PPP4R3A: variants seen among roughly 807,000 people sequenced by gnomAD.
PPP4R3A encodes the protein serine/threonine-protein phosphatase 4 regulatory subunit 3A.
A neutral mutation model predicts 91.7 loss-of-function variants in PPP4R3A; 15 were observed. The ratio of observed to expected loss-of-function variants is 0.16; its 90% CI spans 0.11 to 0.25. The LOEUF (loss-of-function observed/expected upper bound fraction) is 0.25. Among genes scored for constraint, PPP4R3A ranks in the 10% least tolerant of loss-of-function variants. The probability of loss-of-function intolerance (pLI) is 1.00; values close to 1 mark genes in which losing one functional copy is unlikely to be tolerated. For synonymous variants in PPP4R3A, 377 were observed against 348.7 expected, an observed-to-expected ratio of 1.08 and a Z score of -0.91; for missense variants, 623 against 998.4, an observed-to-expected ratio of 0.62 and a Z score of 5.07.
chr14:91,487,167 T>G (rs1256202096), intron 2 of PPP4R3A, among the ~76,000 whole-genome samples: 1 of 147,686 alleles, frequency 6.8e-6, no homozygotes. Flanking sequence ...GGAGAGTCAC[T>G]TGAACCCGGG....
chr14:91,462,400 AAAT>A (rs767794501), intron 12 of PPP4R3A, among the ~76,000 whole-genome samples, 161 bp from the exon 13 acceptor site: 2 of 152,232 alleles, frequency 1.3e-5, no homozygotes, highest in Non-Finnish European at 2.9e-5. Context: ...ACAAAATTTT[AAAT>A]AATAATTTGT....
intron 1 of PPP4R3A, among the ~76,000 whole-genome samples, chr14:91,504,449 G>A (rs1156873611): frequency 1.3e-5 from 2 of 151,676 alleles, no homozygotes; most frequent in East Asian, 3.9e-4. Context: ...TAAAAACACA[G>A]AAATTCACCA....
intron 10 of PPP4R3A, among the ~76,000 whole-genome samples, chr14:91,470,621 C>T (rs545048048): frequency 6.6e-6 from 1 of 152,276 alleles, no homozygotes; most frequent in East Asian, 1.9e-4. Flanking sequence ...GAATATAACA[C>T]TGTAGATACA....
intron 10 of PPP4R3A, among the ~76,000 whole-genome samples, chr14:91,468,424 C>G (rs1888610337): frequency 6.6e-6 from 1 of 152,116 alleles, no homozygotes; most frequent in Admixed American, 6.5e-5. Flanking sequence ...TGAATCCCAG[C>G]ACTTTGGGAG....
chr14:91,491,270 G>T (rs1289703861), intron 1 of PPP4R3A, among the ~76,000 whole-genome samples: 1 of 151,840 alleles, frequency 6.6e-6, no homozygotes, highest in Non-Finnish European at 1.5e-5. Flanking sequence ...ATGTTGCCCA[G>T]GCTGGTCTCC....
chr14:91,501,233 T>C (rs1307181408), intron 1 of PPP4R3A, among the ~76,000 whole-genome samples: 1 of 152,158 alleles, frequency 6.6e-6, no homozygotes, highest in Non-Finnish European at 1.5e-5. Context: ...TGGGAGTGTT[T>C]GGGTTTGGGT....
At chr14:91,507,546 T>C (rs956705202) in intron 1 of PPP4R3A, among the ~76,000 whole-genome samples, 2 of 97,972 alleles carry the variant, frequency 2.0e-5, no homozygotes, top group African/African-American at 4.2e-5. Flanking sequence ...CTATATATTA[T>C]ATATAGTTAT....
chr14:91,469,518 G>T (rs982207679), intron 10 of PPP4R3A, among the ~76,000 whole-genome samples: 8 of 152,192 alleles, frequency 5.3e-5, no homozygotes, highest in Admixed American at 3.3e-4. Context: ...CTGATAGGAA[G>T]TTTAATGAAT....
intron 1 of PPP4R3A, among the ~76,000 whole-genome samples, chr14:91,505,668 T>G (rs887057498): frequency 1.3e-5 from 2 of 152,172 alleles, no homozygotes; most frequent in African/African-American, 2.4e-5. Flanking sequence ...AAAGTTTTTT[T>G]GGGGAAAAGC....
intron 9 of PPP4R3A, among the ~76,000 whole-genome samples, chr14:91,472,444 C>A (rs1305930862): frequency 7.0e-6 from 1 of 142,428 alleles, no homozygotes; most frequent in Non-Finnish European, 1.5e-5. Context: ...GATTACAGTA[C>A]TTTCAGGAAA....
At position 91,490,826 on chromosome 14, in the gene PPP4R3A, CATTAT is replaced by C. The variant is rs764945690; in HGVS notation, c.143-29_143-25del. ...ACCTAGGAAACAGAAAAAGACATTC[CATTAT>C]GTTACTGTAAAACAGCAAAATTATA... On this transcript the variant is annotated intron_variant, in intron 1 of 14. Transcript: ENST00000554943. 3.8e-6 allele frequency: 6 copies of C among 1,566,046 alleles called. No homozygotes were observed. The South Asian group carries it at 4.6e-5, about 12-fold the overall frequency.
rs757184227 is a variant in PPP4R3A at position 91,458,619 on chromosome 14, T to C, written c.*140A>G. ...CCTGCTCCATTGAATTGGCACTTGA[T>C]GAGCAGAAGTCAAGTGTAAGAGGCT... On this transcript the variant is annotated 3_prime_UTR_variant, in exon 15 of 15. Coordinates refer to ENST00000554943, the MANE Select transcript of PPP4R3A (RefSeq NM_001366432.2). 32 of 1,219,682 alleles carry C rather than the reference T, an allele frequency of 2.6e-5. No homozygotes were observed. The Admixed American group carries it at 3.9e-4, about 15-fold the overall frequency. The allele number at this position is 1,219,682 out of a possible 1,614,324, so 75.6% of individuals were successfully genotyped here.
At chr14:91,497,325 A>C (rs1330515938) in intron 1 of PPP4R3A, among the ~76,000 whole-genome samples, 1 of 142,620 alleles carries the variant, frequency 7.0e-6, no homozygotes. Flanking sequence ...TTATCTCCCA[A>C]GAGGAATCTT....
chr14:91,507,900 C>G (rs927508831), intron 1 of PPP4R3A, among the ~76,000 whole-genome samples: 3 of 151,910 alleles, frequency 2.0e-5, no homozygotes, highest in African/African-American at 7.3e-5. Context: ...GGCGGGTGGA[C>G]TGCGTGAGGT....
Position 91,507,075 on chromosome 14 carries a change from T to C in PPP4R3A, c.142+2431A>G, listed in dbSNP as rs891532810. On this transcript the variant is annotated intron_variant, in intron 1 of 14. Coordinates refer to ENST00000554943, the MANE Select transcript of PPP4R3A (RefSeq NM_001366432.2). Reference sequence around the variant, plus strand: ...GGCTCACGCCTGTAATCCTAGCACTTTGGGAGGCCGAGGCGGGTGGATCAC... The same window carrying C: ...GGCTCACGCCTGTAATCCTAGCACTCTGGGAGGCCGAGGCGGGTGGATCAC... Among the ~76,000 whole-genome samples, 3 of 151,984 alleles carry C rather than the reference T, an allele frequency of 2.0e-5. No homozygotes were observed. The South Asian group carries it at 6.2e-4, about 32-fold the overall frequency.
In PPP4R3A at chr14:91,509,710, G is replaced by C. The variant is rs1000477624; in HGVS notation, c.-63C>G. On this transcript the variant is annotated 5_prime_UTR_variant, in exon 1 of 15. Transcript: ENST00000554943. The stretch of plus-strand genomic sequence containing the variant: ...AGACGCCCAGGAAAGGGGCCCTGGA[G>C]AGGCGAGGGGCGAGGCGTGAGGGCG... 4 of 1,516,330 alleles carry C rather than the reference G, an allele frequency of 2.6e-6. No individual in the cohort carries two copies. In the African/African-American group the frequency reaches 5.7e-5, roughly 22 times the overall value. The allele number at this position is 1,516,330 out of a possible 1,614,324, so 93.9% of individuals were successfully genotyped here.
At chr14:91,478,990 T>G (rs1273812521) in intron 4 of PPP4R3A, among the ~76,000 whole-genome samples, 1 of 152,232 alleles carries the variant, frequency 6.6e-6, no homozygotes, top group Non-Finnish European at 1.5e-5. Flanking sequence ...CTTGGCTCAA[T>G]GCAACCTCTG....
At chr14:91,486,099 T>C (rs1279967980) in intron 2 of PPP4R3A, among the ~76,000 whole-genome samples, 2 of 152,232 alleles carry the variant, frequency 1.3e-5, no homozygotes, top group Non-Finnish European at 2.9e-5. Flanking sequence ...AGCTAGGGCA[T>C]GTTAGGACGA....
At chr14:91,493,669 A>G (rs1219034412) in intron 1 of PPP4R3A, among the ~76,000 whole-genome samples, 3 of 150,590 alleles carry the variant, frequency 2.0e-5, no homozygotes, top group East Asian at 3.9e-4. Context: ...ATCTCCAACT[A>G]TCTTTGTAGT....
Sources: allele counts gnomAD v4.1 joint callset (sites outside exome capture counted in the v4.1 genomes callset), GRCh38; gene constraint gnomAD v4.1.1; transcripts MANE v1.5; gene names NCBI Gene and HGNC (gene_info 2026-07-23, HGNC 2026-07-21).